Variants in MACO1 observed in about 807,000 individuals in gnomAD.
The protein encoded by MACO1 is macoilin 1.
In MACO1, 14 loss-of-function variants were observed where a neutral mutation model predicts 78.7. That is an observed-to-expected ratio of 0.18 (90% CI 0.12 to 0.28). The LOEUF (loss-of-function observed/expected upper bound fraction) is 0.28. Among genes scored for constraint, MACO1 ranks in the 10% least tolerant of loss-of-function variants. MACO1 has a pLI of 1.00. For synonymous variants in MACO1, 288 were observed against 291.6 expected (o/e 0.99, Z 0.12); for missense variants, 501 against 799.0 (o/e 0.63, Z 4.50).
At chr1:25,458,921 C>T (rs1310433626) in intron 6 of MACO1, 29 bp downstream of exon 6, 2 of 1,585,852 alleles carry the variant, frequency 1.3e-6, no homozygotes, top group Admixed American at 1.8e-5. Context: ...TCCTTACTAA[C>T]ACTTTCCAGT....
At position 25,484,201 on chromosome 1, in the gene MACO1, C is replaced by T. The variant is rs1392741676; in HGVS notation, c.1240C>T (p.Leu414Phe). 3.1e-6 allele frequency: 5 copies of T among 1,613,984 alleles called. No homozygotes were observed. Among genetic ancestry groups the T allele is most frequent in the Non-Finnish European group, 4.2e-6 (5 of 1,179,994 alleles). ...AGAGCTCCGCAGTCAGATCAGCTCC[C>T]TTTCGAGCACCGAGCGAGGGATCCG... ...EQELRSQISSLSSTERGIRSE... is the reference protein window; with the variant it reads ...EQELRSQISSFSSTERGIRSE... The change falls in exon 7 of 11, where the codon CTT (leucine) becomes TTT (phenylalanine). Residue 414 changes from leucine (L) to phenylalanine (F), a missense_variant. This residue lies in a region of MACO1 where 163 missense variants were observed against 271.9 expected (regional missense o/e 0.60). Transcript: ENST00000374343.
rs1571987545 is a variant in MACO1, at chr1:25,485,895, A to G, written c.1496+100A>G. Reference sequence around the variant, plus strand: ...CTTGGGCAGGATTGGACGTACAGCAATCATGCACGGATGGATTGCTTTTAA... The same window carrying G: ...CTTGGGCAGGATTGGACGTACAGCAGTCATGCACGGATGGATTGCTTTTAA... On this transcript the variant is annotated intron_variant, in intron 8 of 10. Transcript: ENST00000374343. The surrounding 1 kb of genome is among the most constrained non-coding windows in gnomAD (Gnocchi z 4.3). 4.7e-6 allele frequency: 6 copies of G among 1,286,774 alleles called. No homozygotes were observed. In the South Asian group the frequency reaches 7.1e-5, roughly 15 times the overall value. The allele number at this position is 1,286,774 out of a possible 1,614,324, so 79.7% of individuals were successfully genotyped here. A position where few individuals can be genotyped will look rare whatever the true frequency, so the allele number is the denominator to read the frequency against.
At chr1:25,463,196 T>C (rs186829472) in intron 6 of MACO1, among the ~76,000 whole-genome samples, 1 of 152,270 alleles carries the variant, frequency 6.6e-6, no homozygotes, top group African/African-American at 2.4e-5. Context: ...ATAGAGTGCT[T>C]AGTGAATGTT....
At chr1:25,432,161 G>T (rs1328928270) in intron 1 of MACO1, among the ~76,000 whole-genome samples, 2 of 152,264 alleles carry the variant, frequency 1.3e-5, no homozygotes, top group Non-Finnish European at 1.5e-5. Flanking sequence ...GCATGTGGAT[G>T]TAGGCTTAAT....
At chr1:25,454,629 G>A (rs549552060) in intron 4 of MACO1, among the ~76,000 whole-genome samples, 3 of 151,106 alleles carry the variant, frequency 2.0e-5, no homozygotes, top group East Asian at 3.9e-4. Context: ...TTACAGGCGC[G>A]TGCCACCACA....
At chr1:25,483,046 G>A (rs933090593) in intron 6 of MACO1, among the ~76,000 whole-genome samples, 2 of 152,080 alleles carry the variant, frequency 1.3e-5, no homozygotes, top group South Asian at 2.1e-4. Context: ...TATAGTTTTC[G>A]TTTGTTTGTT....
At position 25,485,807 on chromosome 1, in the gene MACO1, T is replaced by G; in HGVS notation, c.1496+12T>G. On this transcript the variant is annotated intron_variant, in intron 8 of 10. Coordinates refer to ENST00000374343, the MANE Select transcript of MACO1 (RefSeq NM_018202.6). This position sits in a 1 kb window ranked among gnomAD's most constrained non-coding sequence, Gnocchi z 4.3. Reference sequence around the variant, plus strand: ...GCTGCTGCATCTAGGTATGTCCATGTCACCTGAGTGTTTAATCCAAGGTTG... The same window carrying G: ...GCTGCTGCATCTAGGTATGTCCATGGCACCTGAGTGTTTAATCCAAGGTTG... 6.3e-7 allele frequency: 1 copy of G among 1,598,810 alleles called. No individual in the cohort carries two copies. Among genetic ancestry groups the G allele is most frequent in the Non-Finnish European group, 8.5e-7 (1 of 1,173,782 alleles).
chr1:25,455,385 T>C (rs1254039632), intron 4 of MACO1, among the ~76,000 whole-genome samples: 3 of 152,202 alleles, frequency 2.0e-5, no homozygotes, highest in South Asian at 2.1e-4. Context: ...TACTAATATT[T>C]ATGGCAGAAA....
chr1:25,490,066 A>G (rs930154176), intron 9 of MACO1, among the ~76,000 whole-genome samples: 3 of 152,218 alleles, frequency 2.0e-5, no homozygotes, highest in African/African-American at 7.2e-5. Flanking sequence ...AACAAAGAAT[A>G]AATGAGTTTT....
rs368651489 is a variant in MACO1, at chr1:25,485,151, G to T, written c.1314-462G>T. Among the ~76,000 whole-genome samples the T allele has an allele frequency of 4.7e-3, 710 of 152,330 alleles. 4 individuals carry two copies. Among genetic ancestry groups the T allele is most frequent in the Non-Finnish European group, 8.2e-3 (555 of 68,024 alleles). On this transcript the variant is annotated intron_variant, in intron 7 of 10. Coordinates refer to ENST00000374343, the MANE Select transcript of MACO1 (RefSeq NM_018202.6). The surrounding 1 kb of genome is among the most constrained non-coding windows in gnomAD (Gnocchi z 4.3). Reference sequence around the variant, plus strand: ...CATCCTGAGCTGGAAAGGAAAAGCTGTAGTAGGCTACAGCAAAATTGTATT... The same window carrying T: ...CATCCTGAGCTGGAAAGGAAAAGCTTTAGTAGGCTACAGCAAAATTGTATT...
Position 25,464,289 on chromosome 1 carries a change from A to G in MACO1, c.1154+5397A>G, listed in dbSNP as rs2043196442. 4.0e-5 allele frequency among the ~76,000 whole-genome samples: 6 copies of G among 150,524 alleles called. No homozygotes were observed. In the South Asian group the frequency reaches 1.3e-3, roughly 32 times the overall value. ...TTCAGATTGACTTCTTTCACTTAGTAATGTGCATTTAAGATTCCTCCATGT... is the reference window on the plus strand; with the variant it reads ...TTCAGATTGACTTCTTTCACTTAGTGATGTGCATTTAAGATTCCTCCATGT... On this transcript the variant is annotated intron_variant, in intron 6 of 10. Coordinates refer to ENST00000374343, the MANE Select transcript of MACO1 (RefSeq NM_018202.6).
At chr1:25,432,962 A>T (rs565232836) in intron 1 of MACO1, among the ~76,000 whole-genome samples, 14 of 152,336 alleles carry the variant, frequency 9.2e-5, no homozygotes, top group African/African-American at 3.4e-4. Context: ...TCATCGTTTA[A>T]TGAAGATTTA....
At chr1:25,453,020 T>C (rs2043081634) in intron 3 of MACO1, among the ~76,000 whole-genome samples, 1 of 149,136 alleles carries the variant, frequency 6.7e-6, no homozygotes, top group Non-Finnish European at 1.5e-5. Flanking sequence ...TTTTTTTTTT[T>C]TTGAGATGGA....
At chr1:25,466,653 T>C (rs763172679) in intron 6 of MACO1, among the ~76,000 whole-genome samples, 9 of 152,206 alleles carry the variant, frequency 5.9e-5, no homozygotes, top group Non-Finnish European at 1.0e-4. Context: ...GTTTTCTTAT[T>C]GTTGAGTTCT....
At chr1:25,487,219 T>C (rs897182995) in intron 8 of MACO1, among the ~76,000 whole-genome samples, 4 of 152,170 alleles carry the variant, frequency 2.6e-5, no homozygotes, top group African/African-American at 9.7e-5. Flanking sequence ...AGTGGCGCGA[T>C]CTCAGCTCAC....
At chr1:25,473,730 T>C (rs1336945157) in intron 6 of MACO1, among the ~76,000 whole-genome samples, 1 of 152,254 alleles carries the variant, frequency 6.6e-6, no homozygotes, top group Non-Finnish European at 1.5e-5. Flanking sequence ...CCATATTCTT[T>C]AAATATTATT....
chr1:25,489,021 A>G (rs2124611092), intron 8 of MACO1, 152 bp from the exon 9 acceptor site: 1 of 846,518 alleles, frequency 1.2e-6, no homozygotes, highest in Non-Finnish European at 1.7e-6. Context: ...GGGTTTCACC[A>G]TGCTGGTCAG....
chr1:25,458,930 G>A, intron 6 of MACO1, 38 bp downstream of exon 6: 2 of 1,577,886 alleles, frequency 1.3e-6, no homozygotes, highest in Non-Finnish European at 1.7e-6. Context: ...ACACTTTCCA[G>A]TAAACTTGAC....
At chr1:25,459,389 G>T (rs768563026) in intron 6 of MACO1, among the ~76,000 whole-genome samples, 8 of 152,094 alleles carry the variant, frequency 5.3e-5, no homozygotes, top group Non-Finnish European at 8.8e-5. Context: ...GGGAAAGTTA[G>T]ATTTGAAAAG....
Sources: gnomAD v4.1 joint callset for allele counts (sites outside exome capture counted in the v4.1 genomes callset) on GRCh38, gnomAD v4.1.1 for gene constraint, gnomAD v4.1.1 regional missense constraint, Gnocchi (gnomAD v3.1) non-coding constraint, MANE v1.5 for transcripts, NCBI Gene and HGNC (gene_info 2026-07-23, HGNC 2026-07-21) for gene names.